The following ADAM19 variants were observed in gnomAD, a reference collection of about 807,000 sequenced individuals.
ADAM19 encodes ADAM metallopeptidase domain 19.
ADAM19 carries 65 observed loss-of-function variants against 114.7 expected under a neutral mutation model. The observed-to-expected ratio is 0.57, with a 90% CI of 0.46 to 0.70. The LOEUF (loss-of-function observed/expected upper bound fraction) is 0.70, where lower values mean the gene tolerates loss of function less well. Among genes scored for constraint, ADAM19 ranks in the 30% least tolerant of loss-of-function variants. The pLI is 0.00. For synonymous variants in ADAM19, 466 were observed against 460.5 expected (o/e 1.01, Z -0.15); for missense variants, 1,063 against 1,204.7 (o/e 0.88, Z 1.74).
At chr5:157,553,632 T>C (rs889077587) in intron 3 of ADAM19, among the ~76,000 whole-genome samples, 14 of 152,236 alleles carry the variant, frequency 9.2e-5, no homozygotes, top group African/African-American at 3.4e-4. Context: ...ACTCTACATC[T>C]AGGTATCAGT....
At chr5:157,555,071 T>C (rs1581351116) in intron 3 of ADAM19, among the ~76,000 whole-genome samples, 1 of 152,210 alleles carries the variant, frequency 6.6e-6, no homozygotes, top group South Asian at 2.1e-4. Context: ...ACTATGCATC[T>C]GAGAGGCAAT....
intron 21 of ADAM19, among the ~76,000 whole-genome samples, chr5:157,482,304 C>T (rs1411921736): frequency 6.6e-6 from 1 of 152,112 alleles, no homozygotes; most frequent in African/African-American, 2.4e-5. Context: ...GGGATATTAG[C>T]CCTCTGTCAG....
At chr5:157,546,247 C>T (rs1757044421) in intron 3 of ADAM19, among the ~76,000 whole-genome samples, 1 of 152,128 alleles carries the variant, frequency 6.6e-6, no homozygotes, top group Admixed American at 6.5e-5. Context: ...GTGTGGTAAC[C>T]AATTTCTAGT....
chr5:157,506,716 A>G (rs906360526), intron 10 of ADAM19, among the ~76,000 whole-genome samples: 1 of 152,228 alleles, frequency 6.6e-6, no homozygotes, highest in Non-Finnish European at 1.5e-5. Context: ...TGACATATAT[A>G]ACAGCACACG....
intron 3 of ADAM19, among the ~76,000 whole-genome samples, chr5:157,543,254 T>C (rs1756965768): frequency 6.6e-6 from 1 of 152,230 alleles, no homozygotes; most frequent in Non-Finnish European, 1.5e-5. Context: ...TATGTATTTG[T>C]ATAAAAATTG....
At chr5:157,521,351 C>A (rs543615862) in intron 5 of ADAM19, among the ~76,000 whole-genome samples, 7 of 152,180 alleles carry the variant, frequency 4.6e-5, no homozygotes, top group Non-Finnish European at 8.8e-5. Context: ...TGCTCTAAAA[C>A]CTCAGGCAGG....
In ADAM19 at chr5:157,537,893, A is replaced by G. The variant is rs1304689766; in HGVS notation, c.330+20T>C. Reference sequence around the variant, plus strand: ...GGGAGAGGACAGCTGCTGGATAGACATTTGTTGACCTGAACTCACCTCCAA... The same window carrying G: ...GGGAGAGGACAGCTGCTGGATAGACGTTTGTTGACCTGAACTCACCTCCAA... On this transcript the variant is annotated intron_variant, in intron 4 of 22. Coordinates refer to ENST00000257527, the MANE Select transcript of ADAM19 (RefSeq NM_033274.5). 1.4e-5 allele frequency: 22 copies of G among 1,605,408 alleles called. No homozygotes were observed. The highest frequency in any genetic ancestry group is 1.6e-5 in the Non-Finnish European group (19 of 1,172,354).
At chr5:157,499,770 T>G in intron 12 of ADAM19, 108 bp from the exon 13 acceptor site, 4 of 548,448 alleles carry the variant, frequency 7.3e-6, no homozygotes, top group Non-Finnish European at 6.4e-6. Context: ...CTAGCAACTA[T>G]CTCTTTTTTT....
intron 2 of ADAM19, among the ~76,000 whole-genome samples, chr5:157,570,031 G>T (rs920449804): frequency 1.3e-5 from 2 of 152,146 alleles, no homozygotes; most frequent in South Asian, 4.1e-4. Context: ...AGGACTACGT[G>T]GGCGGATCAC....
intron 12 of ADAM19, among the ~76,000 whole-genome samples, chr5:157,500,991 T>C (rs893678680): frequency 1.3e-5 from 2 of 152,148 alleles, no homozygotes; most frequent in African/African-American, 2.4e-5. Flanking sequence ...TGAATTCAAG[T>C]CAGGTCTGCC....
intron 12 of ADAM19, among the ~76,000 whole-genome samples, chr5:157,500,681 T>G (rs1163256539): frequency 6.6e-6 from 1 of 152,144 alleles, no homozygotes; most frequent in Non-Finnish European, 1.5e-5. Context: ...TTTTTCTCCA[T>G]CTGCTTCTCT....
chr5:157,531,065 G>A (rs1404416433), intron 4 of ADAM19, among the ~76,000 whole-genome samples, 182 bp from the exon 5 acceptor site: 1 of 152,126 alleles, frequency 6.6e-6, no homozygotes, highest in African/African-American at 2.4e-5. Context: ...ATAATCCTAG[G>A]AGACGGGGCA....
chr5:157,507,295 A>G (rs551005192), intron 9 of ADAM19, among the ~76,000 whole-genome samples, 155 bp from the exon 10 acceptor site: 1 of 152,352 alleles, frequency 6.6e-6, no homozygotes, highest in East Asian at 1.9e-4. Context: ...GGCCAACTGG[A>G]CAACTTCCAG....
At chr5:157,526,302 A>T (rs934422300) in intron 5 of ADAM19, among the ~76,000 whole-genome samples, 1 of 152,172 alleles carries the variant, frequency 6.6e-6, no homozygotes, top group Non-Finnish European at 1.5e-5. Context: ...GTAGGACAAG[A>T]TAAACAACTT....
intron 11 of ADAM19, among the ~76,000 whole-genome samples, chr5:157,505,006 C>G (rs1324965944): frequency 6.6e-6 from 1 of 151,260 alleles, no homozygotes; most frequent in African/African-American, 2.4e-5. Context: ...GTATTCCCAG[C>G]TACTCGGGAG....
intron 3 of ADAM19, among the ~76,000 whole-genome samples, chr5:157,551,405 C>A (rs1388473650): frequency 7.1e-5 from 6 of 84,196 alleles, no homozygotes; most frequent in African/African-American, 1.5e-4. Flanking sequence ...TTCTGTCCCC[C>A]CAACCCCAAA....
intron 20 of ADAM19, 45 bp from the exon 21 acceptor site, chr5:157,488,534 G>A: frequency 6.8e-7 from 1 of 1,464,582 alleles, no homozygotes. Context: ...AAATCACTCA[G>A]GGCTGGCCTT....
In ADAM19 at chr5:157,550,134, G is replaced by A. The variant is rs147246835; in HGVS notation, c.252-12143C>T. Among the ~76,000 whole-genome samples the A allele has an allele frequency of 3.1e-3, 475 of 152,250 alleles. 2 individuals carry two copies. Among genetic ancestry groups the A allele is most frequent in the Middle Eastern group, 0.01 (3 of 292 alleles). ...ACTGTGCTCCTTTTCTAGGACTACC[G>A]TAACAAAGTATCACAAACCAAGTGG... On this transcript the variant is annotated intron_variant, in intron 3 of 22. Coordinates refer to ENST00000257527, the MANE Select transcript of ADAM19 (RefSeq NM_033274.5).
Position 157,507,047 on chromosome 5 carries a change from G to C in ADAM19, c.990+9C>G, listed in dbSNP as rs745779245. On this transcript the variant is annotated intron_variant, in intron 10 of 22. Transcript: ENST00000257527. ...CTTCTGCAGCGCACACACACGGGCT[G>C]AGACTCACCATGTTGACTCCTCCAG... 2 of 1,613,606 alleles carry C rather than the reference G, an allele frequency of 1.2e-6. No individual in the cohort carries two copies. Among genetic ancestry groups the C allele is most frequent in the Non-Finnish European group, 1.7e-6 (2 of 1,179,582 alleles).
Sources: gnomAD v4.1 joint callset for allele counts (sites outside exome capture counted in the v4.1 genomes callset) on GRCh38, gnomAD v4.1.1 for gene constraint, MANE v1.5 for transcripts, NCBI Gene and HGNC (gene_info 2026-07-23, HGNC 2026-07-21) for gene names.